The following OPCML variants were observed in gnomAD, a reference collection of about 807,000 sequenced individuals.
OPCML encodes opioid binding protein/cell adhesion molecule like.
A neutral mutation model predicts 37.8 loss-of-function variants in OPCML; 13 were observed. That is an observed-to-expected ratio of 0.34 (90% CI 0.22 to 0.55). The LOEUF is 0.55. OPCML is among the 20% of genes least tolerant of loss of function. The pLI is 0.91. For missense variants in OPCML, 341 were observed against 435.6 expected (o/e 0.78, Z 1.93); for synonymous variants, 176 against 168.8 (o/e 1.04, Z -0.33).
chr11:133,344,635 C>T (rs1169934803), intron 1 of OPCML, among the ~76,000 whole-genome samples: 1 of 152,202 alleles, frequency 6.6e-6, no homozygotes, highest in Non-Finnish European at 1.5e-5. Flanking sequence ...CCTCCTACTT[C>T]TCTCTTTTTG....
At chr11:132,706,621 TTCCATTATGCGAGCCTC>T (rs1944043462) in intron 2 of OPCML, among the ~76,000 whole-genome samples, 1 of 152,072 alleles carries the variant, frequency 6.6e-6, no homozygotes, top group South Asian at 2.1e-4. Context: ...TGTAGTAAAA[TTCCATTATGCGAGCCTC>T]TCCTCTAACC....
intron 1 of OPCML, among the ~76,000 whole-genome samples, chr11:133,105,253 G>C (rs1003266453): frequency 6.6e-6 from 1 of 152,154 alleles, no homozygotes; most frequent in Middle Eastern, 3.2e-3. Flanking sequence ...CTGTGGTGCC[G>C]ATAAAGCTCA....
intron 4 of OPCML, among the ~76,000 whole-genome samples, chr11:132,445,432 C>T (rs2096051705): frequency 6.6e-6 from 1 of 152,136 alleles, no homozygotes; most frequent in South Asian, 2.1e-4. Flanking sequence ...CACTGGGGCT[C>T]TTGAACTCTT....
intron 4 of OPCML, among the ~76,000 whole-genome samples, chr11:132,497,645 A>T (rs2096235643): frequency 6.6e-6 from 1 of 152,068 alleles, no homozygotes; most frequent in Non-Finnish European, 1.5e-5. Context: ...CATGCCCTGA[A>T]GTGGGAGTAT....
intron 2 of OPCML, among the ~76,000 whole-genome samples, chr11:132,940,944 C>T (rs918109354): frequency 6.6e-5 from 10 of 151,818 alleles, no homozygotes; most frequent in African/African-American, 2.2e-4. Flanking sequence ...ATGTAGATAA[C>T]GTGCTGAATT....
At chr11:133,441,474 T>C (rs1486744826) in intron 1 of OPCML, among the ~76,000 whole-genome samples, 1 of 152,198 alleles carries the variant, frequency 6.6e-6, no homozygotes, top group Non-Finnish European at 1.5e-5. Flanking sequence ...ACTATTTATA[T>C]GACTGTTTCA....
At chr11:133,169,674 A>C (rs2137238453) in intron 1 of OPCML, among the ~76,000 whole-genome samples, 1 of 152,304 alleles carries the variant, frequency 6.6e-6, no homozygotes, top group Non-Finnish European at 1.5e-5. Flanking sequence ...CAGGTGACAT[A>C]TTTTAATAGG....
rs140724594 is a variant in OPCML, at chr11:132,692,782, G to C, written c.147-35463C>G. Among the ~76,000 whole-genome samples the C allele has an allele frequency of 3.1e-3, 476 of 152,240 alleles. 7 individuals are homozygous for C. The highest frequency in any genetic ancestry group is 0.023 in the South Asian group (110 of 4,814). ...AACATCACCAACATTTATGTGCAAA[G>C]ATGTTCCCTACCACTCAAGTTCATG... is the stretch of plus-strand genomic sequence containing the variant. On this transcript the variant is annotated intron_variant, in intron 2 of 7. Transcript: ENST00000524381.
At chr11:133,138,442 C>T (rs560384476) in intron 1 of OPCML, among the ~76,000 whole-genome samples, 1 of 152,116 alleles carries the variant, frequency 6.6e-6, no homozygotes, top group African/African-American at 2.4e-5. Context: ...AACCTATTGC[C>T]CTCCTCCTCC....
chr11:132,874,616 G>A (rs1294885266), intron 2 of OPCML, among the ~76,000 whole-genome samples: 1 of 152,120 alleles, frequency 6.6e-6, no homozygotes, highest in Non-Finnish European at 1.5e-5. Flanking sequence ...TGGGTCTTTA[G>A]AGGAAACATA....
chr11:132,581,378 G>C (rs2096461696), intron 3 of OPCML, among the ~76,000 whole-genome samples: 1 of 152,178 alleles, frequency 6.6e-6, no homozygotes, highest in South Asian at 2.1e-4. Context: ...GACCTAGTCA[G>C]GTTCTATAGG....
At chr11:133,429,356 G>A (rs1946070579) in intron 1 of OPCML, among the ~76,000 whole-genome samples, 1 of 152,168 alleles carries the variant, frequency 6.6e-6, no homozygotes, top group African/African-American at 2.4e-5. Flanking sequence ...ACAGACTGGG[G>A]TGAGCTGGGG....
chr11:132,962,675 C>T (rs1325197463), intron 1 of OPCML, among the ~76,000 whole-genome samples: 3 of 152,208 alleles, frequency 2.0e-5, no homozygotes, highest in Non-Finnish European at 4.4e-5. Context: ...CGACCCCAGC[C>T]TTGGCTCTAC....
rs374478910 is a variant in OPCML at position 132,922,803 on chromosome 11, T to A, written c.146+20123A>T. Among the ~76,000 whole-genome samples, 9 of 152,278 alleles carry A rather than the reference T, an allele frequency of 5.9e-5. No homozygotes were observed. The East Asian group carries it at 1.7e-3, about 29-fold the overall frequency. ...ACACAGCGGGAGAGGCTGCACACAG[T>A]GGCTCACGTCTGTAATCCCAGCACT... On this transcript the variant is annotated intron_variant, in intron 2 of 7. Transcript: ENST00000524381.
intron 1 of OPCML, among the ~76,000 whole-genome samples, chr11:133,508,720 C>T (rs1040922368): frequency 1.3e-5 from 2 of 152,218 alleles, no homozygotes; most frequent in Non-Finnish European, 2.9e-5. Flanking sequence ...TGACTTTACA[C>T]CACAGATCAC....
chr11:133,216,210 C>T (rs1248662281), intron 1 of OPCML, among the ~76,000 whole-genome samples: 1 of 152,168 alleles, frequency 6.6e-6, no homozygotes, highest in Non-Finnish European at 1.5e-5. Flanking sequence ...ACCTCTGGGG[C>T]AACTTTCTTA....
At chr11:133,395,787 C>T (rs1194585129) in intron 1 of OPCML, among the ~76,000 whole-genome samples, 1 of 152,146 alleles carries the variant, frequency 6.6e-6, no homozygotes, top group Non-Finnish European at 1.5e-5. Context: ...GTGACTATAG[C>T]TCTGTAGTAC....
At chr11:133,462,341 G>T (rs1033450999) in intron 1 of OPCML, among the ~76,000 whole-genome samples, 1 of 152,012 alleles carries the variant, frequency 6.6e-6, no homozygotes, top group African/African-American at 2.4e-5. Context: ...AGATAAATTG[G>T]ACTTCATCAG....
At chr11:132,533,960 A>G (rs2096333302) in intron 3 of OPCML, among the ~76,000 whole-genome samples, 1 of 152,188 alleles carries the variant, frequency 6.6e-6, no homozygotes, top group African/African-American at 2.4e-5. Context: ...TCACATTCCT[A>G]TTATACACAC....
Sources: allele counts gnomAD v4.1 joint callset (sites outside exome capture counted in the v4.1 genomes callset), GRCh38; gene constraint gnomAD v4.1.1; transcripts MANE v1.5; gene names NCBI Gene and HGNC (gene_info 2026-07-23, HGNC 2026-07-21).